The following RAP1GAP2 variants were observed in gnomAD, a reference collection of about 807,000 sequenced individuals.
RAP1GAP2 encodes rap1 GTPase-activating protein 2.
RAP1GAP2 carries 27 observed loss-of-function variants against 95.0 expected under a neutral mutation model. The observed-to-expected ratio is 0.28, with a 90% confidence interval of 0.21 to 0.39. The LOEUF (loss-of-function observed/expected upper bound fraction) is 0.39. RAP1GAP2 is among the 10% of genes least tolerant of loss of function. RAP1GAP2 has a pLI of 1.00. For missense variants in RAP1GAP2, 771 were observed against 970.0 expected, an observed-to-expected ratio of 0.79 and a Z score of 2.72; for synonymous variants, 373 against 380.9, an observed-to-expected ratio of 0.98 and a Z score of 0.24.
At chr17:2,826,378 G>A (rs1161065058) in intron 2 of RAP1GAP2, among the ~76,000 whole-genome samples, 6 of 151,884 alleles carry the variant, frequency 4.0e-5, no homozygotes, top group African/African-American at 4.8e-5. Context: ...TTTGAGAAGC[G>A]GTGAGCCAGG....
intron 2 of RAP1GAP2, among the ~76,000 whole-genome samples, chr17:2,883,687 C>T (rs1277864078): frequency 1.3e-5 from 2 of 152,234 alleles, no homozygotes; most frequent in African/African-American, 2.4e-5. Flanking sequence ...AAAGCTGTTA[C>T]CTCCCTTGGG....
intron 3 of RAP1GAP2, among the ~76,000 whole-genome samples, chr17:2,922,826 GT>G (rs138075669): frequency 1.5e-4 from 14 of 93,732 alleles, no homozygotes; most frequent in East Asian, 3.5e-4. Context: ...TTTTCTTTTT[GT>G]TTTTGTTTTT....
chr17:2,844,166 G>A (rs965261965), intron 2 of RAP1GAP2, among the ~76,000 whole-genome samples: 9 of 151,838 alleles, frequency 5.9e-5, no homozygotes, highest in African/African-American at 1.5e-4. Flanking sequence ...GACTACAGGC[G>A]CCCGCCACCA....
intron 2 of RAP1GAP2, among the ~76,000 whole-genome samples, chr17:2,858,916 C>A (rs1416924870): frequency 6.6e-6 from 1 of 151,648 alleles, no homozygotes; most frequent in Non-Finnish European, 1.5e-5. Context: ...GTTAAGAATT[C>A]TTAAAAAAAC....
chr17:2,914,174 G>A (rs1445239484), intron 3 of RAP1GAP2, among the ~76,000 whole-genome samples: 1 of 151,744 alleles, frequency 6.6e-6, no homozygotes, highest in Admixed American at 6.6e-5. Flanking sequence ...ATGCCTGGCC[G>A]GTGACTGTTT....
In RAP1GAP2 at chr17:2,832,851, G is replaced by T. The variant is rs146427296; in HGVS notation, c.80+32301G>T. ...AGTAGCTGGGCGTGGTGGCACTTGC[G>T]TGTAGTCCCAGCTACTCGGTGGGGG... On this transcript the variant is annotated intron_variant, in intron 2 of 24. Coordinates refer to ENST00000254695, the MANE Select transcript of RAP1GAP2 (RefSeq NM_015085.5). Among the ~76,000 whole-genome samples, 410 of 151,052 alleles carry T rather than the reference G, an allele frequency of 2.7e-3. 12 individuals carry two copies. In the East Asian group the frequency reaches 0.071, roughly 26 times the overall value.
rs928613976 is a variant in RAP1GAP2 at position 2,832,221 on chromosome 17, C to A, written c.80+31671C>A. Among the ~76,000 whole-genome samples the A allele has an allele frequency of 5.8e-3, 629 of 108,746 alleles. 26 individuals carry two copies. The highest frequency in any genetic ancestry group is 0.016 in the Middle Eastern group (3 of 184). The allele number at this position is 108,746 out of a possible 152,430, so 71.3% of individuals were successfully genotyped here. ...TCTGTCTCCAAAAAAAAAAAGAAAA[C>A]AAAAAAACCCAAATCATTTTCCTTA... is the stretch of plus-strand genomic sequence containing the variant. On this transcript the variant is annotated intron_variant, in intron 2 of 24. Coordinates refer to ENST00000254695, the MANE Select transcript of RAP1GAP2 (RefSeq NM_015085.5).
At chr17:2,756,159 G>T (rs1457702051) in intron 1 of RAP1GAP2, among the ~76,000 whole-genome samples, 1 of 152,264 alleles carries the variant, frequency 6.6e-6, no homozygotes, top group Non-Finnish European at 1.5e-5. Flanking sequence ...CTGCCACCCG[G>T]GGCAGGGCTC....
chr17:2,978,699 G>A (rs189028232), intron 8 of RAP1GAP2, among the ~76,000 whole-genome samples: 11 of 149,722 alleles, frequency 7.3e-5, no homozygotes, highest in African/African-American at 1.2e-4. Context: ...TTTGGGAGGC[G>A]GAGGTGGGTG....
intron 1 of RAP1GAP2, among the ~76,000 whole-genome samples, chr17:2,787,769 A>G (rs2068823521): frequency 6.6e-6 from 1 of 151,764 alleles, no homozygotes; most frequent in African/African-American, 2.4e-5. Context: ...GGGTTTCACC[A>G]TGTTGGCCAG....
At chr17:2,849,881 G>A (rs1204142647) in intron 2 of RAP1GAP2, among the ~76,000 whole-genome samples, 1 of 152,162 alleles carries the variant, frequency 6.6e-6, no homozygotes, top group Non-Finnish European at 1.5e-5. Flanking sequence ...CATGAATGTG[G>A]CCTTGGAGCA....
intron 2 of RAP1GAP2, among the ~76,000 whole-genome samples, chr17:2,887,054 G>A (rs972088278): frequency 6.6e-6 from 1 of 152,062 alleles, no homozygotes; most frequent in Non-Finnish European, 1.5e-5. Context: ...TAGCTGATAT[G>A]ATGATGATGA....
chr17:2,879,058 C>T (rs1301112367), intron 2 of RAP1GAP2, among the ~76,000 whole-genome samples: 1 of 151,234 alleles, frequency 6.6e-6, no homozygotes, highest in Non-Finnish European at 1.5e-5. Flanking sequence ...CTGGCCTTGC[C>T]TCCTCCTTCC....
At chr17:2,820,822 A>C (rs1400656012) in intron 2 of RAP1GAP2, among the ~76,000 whole-genome samples, 6 of 150,742 alleles carry the variant, frequency 4.0e-5, no homozygotes, top group Non-Finnish European at 8.8e-5. Flanking sequence ...CCCGGGTTCA[A>C]GCAATTCTCC....
intron 2 of RAP1GAP2, among the ~76,000 whole-genome samples, chr17:2,801,764 G>A (rs1170194965): frequency 2.0e-5 from 3 of 152,126 alleles, no homozygotes; most frequent in South Asian, 4.2e-4. Flanking sequence ...ACCTGCCTCG[G>A]TTTACCGTGT....
At chr17:2,930,691 G>T (rs1258521254) in intron 3 of RAP1GAP2, among the ~76,000 whole-genome samples, 1 of 152,172 alleles carries the variant, frequency 6.6e-6, no homozygotes, top group Non-Finnish European at 1.5e-5. Context: ...TCTCTAACGT[G>T]TCCTCCTTTA....
rs757874593 is a variant in RAP1GAP2, at chr17:2,957,812, C to T, written c.201+18C>T. 75 of 1,574,024 alleles carry T rather than the reference C, an allele frequency of 4.8e-5. No individual in the cohort carries two copies. The highest frequency in any genetic ancestry group is 6.4e-5 in the Non-Finnish European group (74 of 1,158,022). On this transcript the variant is annotated intron_variant, in intron 4 of 24. Coordinates refer to ENST00000254695, the MANE Select transcript of RAP1GAP2 (RefSeq NM_015085.5). Reference sequence around the variant, plus strand: ...AAATGCAGGTGAGTACGTACCCCCACCGTGGCGGGGAAGAAGCCCAGCCCC... The same window carrying T: ...AAATGCAGGTGAGTACGTACCCCCATCGTGGCGGGGAAGAAGCCCAGCCCC...
At chr17:2,833,352 G>A (rs1042120796) in intron 2 of RAP1GAP2, among the ~76,000 whole-genome samples, 3 of 151,696 alleles carry the variant, frequency 2.0e-5, no homozygotes, top group African/African-American at 7.3e-5. Flanking sequence ...GGCCAGGCTG[G>A]TCTTGAACTC....
chr17:2,762,839 G>A (rs1404616836), intron 1 of RAP1GAP2, among the ~76,000 whole-genome samples: 1 of 151,924 alleles, frequency 6.6e-6, no homozygotes, highest in Non-Finnish European at 1.5e-5. Flanking sequence ...ACCATACCTG[G>A]CTAATTATTT....
Sources: allele counts gnomAD v4.1 joint callset (sites outside exome capture counted in the v4.1 genomes callset), GRCh38; gene constraint gnomAD v4.1.1; transcripts MANE v1.5; gene names NCBI Gene and HGNC (gene_info 2026-07-23, HGNC 2026-07-21).